STK33: variants seen among roughly 807,000 people sequenced by gnomAD.
STK33 encodes the protein serine/threonine kinase 33.
Under a neutral mutation model 58.0 loss-of-function variants are expected in STK33, and 52 were observed. The observed-to-expected ratio is 0.90, with a 90% confidence interval of 0.72 to 1.13. The LOEUF (loss-of-function observed/expected upper bound fraction) is 1.13. Among genes scored for constraint, STK33 ranks in the 50% most tolerant of loss-of-function variants. The probability of loss-of-function intolerance (pLI) is 0.00; values close to 1 mark genes in which losing one functional copy is unlikely to be tolerated. For synonymous variants in STK33, 215 were observed against 200.1 expected (o/e 1.07, Z -0.63); for missense variants, 630 against 604.2 (o/e 1.04, Z -0.45).
the STK33 span, among the ~76,000 whole-genome samples, chr11:8,348,323 C>T: frequency 1.3e-5 from 2 of 152,130 alleles, no homozygotes; most frequent in African/African-American, 2.4e-5. Flanking sequence ...GGGCTGCAGA[C>T]ACCTCAGGAG....
intron 1 of STK33, among the ~76,000 whole-genome samples, chr11:8,548,973 A>G (rs1160939286): frequency 6.6e-6 from 1 of 152,120 alleles, no homozygotes; most frequent in African/African-American, 2.4e-5. Context: ...CTGGTTTTGT[A>G]TAAAGGATAT....
chr11:8,445,091 G>C (rs377730342), intron 11 of STK33, among the ~76,000 whole-genome samples: 8 of 152,114 alleles, frequency 5.3e-5, no homozygotes, highest in African/African-American at 1.2e-4. Flanking sequence ...TCCTTGAAGA[G>C]GTCCTTCACA....
chr11:8,537,000 T>A (rs547287987), intron 1 of STK33, among the ~76,000 whole-genome samples: 1 of 126,074 alleles, frequency 7.9e-6, no homozygotes. Flanking sequence ...TTTTTTTTTG[T>A]GACAGAGTTT....
intron 1 of STK33, among the ~76,000 whole-genome samples, chr11:8,568,105 A>G (rs9736792): frequency 0.012 from 1,861 of 152,308 alleles, 39 homozygotes; most frequent in African/African-American, 0.042. Context: ...AGTACAAAAT[A>G]ATTGCCATCC....
At chr11:8,561,882 C>A (rs1420031601) in intron 1 of STK33, among the ~76,000 whole-genome samples, 1 of 152,164 alleles carries the variant, frequency 6.6e-6, no homozygotes, top group Non-Finnish European at 1.5e-5. Flanking sequence ...CTTATCTCAA[C>A]TAGGGCTATT....
At chr11:8,510,177 G>A (rs530213718) in intron 1 of STK33, among the ~76,000 whole-genome samples, 150 of 151,890 alleles carry the variant, frequency 9.9e-4, no homozygotes, top group Non-Finnish European at 1.6e-3. Context: ...TTATTTTTTG[G>A]CTTTTTAATT....
At position 8,538,851 on chromosome 11, in the gene STK33, T is replaced by C. The variant is rs968943259; in HGVS notation, c.-466+55232A>G. 3.3e-5 allele frequency among the ~76,000 whole-genome samples: 5 copies of C among 152,326 alleles called. No individual in the cohort carries two copies. In the South Asian group the frequency reaches 8.3e-4, roughly 25 times the overall value. ...GAAAGAATATGGAGCTATGATCTTC[T>C]AACAGGAGGACTTCCTAAAAGTCAA... On this transcript the variant is annotated intron_variant, in intron 1 of 15. Coordinates refer to ENST00000687296, the MANE Select transcript of STK33 (RefSeq NM_001352389.2).
intron 15 of STK33, among the ~76,000 whole-genome samples, chr11:8,403,213 T>C (rs892636152): frequency 6.6e-6 from 1 of 152,194 alleles, no homozygotes; most frequent in Non-Finnish European, 1.5e-5. Context: ...CTATGTACCA[T>C]TGCACACTGG....
intron 14 of STK33, among the ~76,000 whole-genome samples, chr11:8,415,340 ATGGTAGAG>A (rs1247310146): frequency 3.9e-5 from 6 of 152,220 alleles, no homozygotes; most frequent in African/African-American, 1.4e-4. Flanking sequence ...TTCTAGGCTC[ATGGTAGAG>A]TTTCACTTCT....
intron 1 of STK33, among the ~76,000 whole-genome samples, chr11:8,493,125 C>T (rs951439424): frequency 4.0e-5 from 6 of 151,882 alleles, no homozygotes; most frequent in African/African-American, 1.2e-4. Context: ...GATAGAGACA[C>T]AAAAAACCCT....
the STK33 span, among the ~76,000 whole-genome samples, chr11:8,376,926 G>T: frequency 6.6e-6 from 1 of 152,166 alleles, no homozygotes; most frequent in Non-Finnish European, 1.5e-5. Flanking sequence ...GAAACCTGAA[G>T]TCCTCAACAG....
the STK33 span, among the ~76,000 whole-genome samples, chr11:8,373,868 GC>G: frequency 1.3e-5 from 2 of 152,194 alleles, no homozygotes; most frequent in African/African-American, 4.8e-5. Flanking sequence ...GGCTGTGGCT[GC>G]AGCTGCAGGG....
chr11:8,475,398 T>C (rs1949174914), intron 4 of STK33: 2 of 152,534 alleles, frequency 1.3e-5, no homozygotes, highest in Admixed American at 1.3e-4. Context: ...CGTGTGTACT[T>C]GATCACAGTA....
chr11:8,364,314 C>T, the STK33 span, among the ~76,000 whole-genome samples: 2 of 152,210 alleles, frequency 1.3e-5, no homozygotes, highest in Non-Finnish European at 2.9e-5. Flanking sequence ...TTCTTTGTTG[C>T]AATTTCCTCT....
intron 1 of STK33, among the ~76,000 whole-genome samples, chr11:8,534,342 CCCAAAACAGT>C (rs1202883041): frequency 6.6e-6 from 1 of 151,888 alleles, no homozygotes; most frequent in Non-Finnish European, 1.5e-5. Flanking sequence ...TCATCAGAGT[CCCAAAACAGT>C]CCACAGCCTA....
At chr11:8,378,669 T>C in the STK33 span, among the ~76,000 whole-genome samples, 150 of 152,318 alleles carry the variant, frequency 9.8e-4, no homozygotes, top group African/African-American at 3.6e-3. Flanking sequence ...ATGGGAACTA[T>C]AATTCAAGAT....
chr11:8,582,165 G>A (rs1229318135), intron 1 of STK33, among the ~76,000 whole-genome samples: 1 of 151,992 alleles, frequency 6.6e-6, no homozygotes, highest in Non-Finnish European at 1.5e-5. Context: ...CTATTTTGAA[G>A]ACTTAACAGA....
the STK33 span, among the ~76,000 whole-genome samples, chr11:8,345,242 C>T: frequency 6.6e-6 from 1 of 152,206 alleles, no homozygotes; most frequent in Non-Finnish European, 1.5e-5. Flanking sequence ...TTGACAACCC[C>T]AGACTTCTAA....
chr11:8,549,736 ATTTCG>A (rs1186435590), intron 1 of STK33, among the ~76,000 whole-genome samples: 2 of 150,050 alleles, frequency 1.3e-5, no homozygotes, highest in African/African-American at 5.0e-5. Flanking sequence ...GAATTTATTC[ATTTCG>A]TCTAAGTTTT....
Sources: gnomAD v4.1 joint callset for allele counts (sites outside exome capture counted in the v4.1 genomes callset) on GRCh38, gnomAD v4.1.1 for gene constraint, MANE v1.5 for transcripts, NCBI Gene and HGNC (gene_info 2026-07-23, HGNC 2026-07-21) for gene names.